PDLIM5: variants seen among roughly 807,000 people sequenced by gnomAD.
PDLIM5 encodes PDZ and LIM domain protein 5.
Under a neutral mutation model 64.2 loss-of-function variants are expected in PDLIM5, and 34 were observed. The observed-to-expected ratio is 0.53, with a 90% CI of 0.40 to 0.71. The LOEUF (loss-of-function observed/expected upper bound fraction) is 0.71. PDLIM5 is among the 30% of genes least tolerant of loss of function. The pLI is 0.00. For missense variants in PDLIM5, 683 were observed against 733.6 expected, an observed-to-expected ratio of 0.93 and a Z score of 0.80; for synonymous variants, 253 against 269.1, an observed-to-expected ratio of 0.94 and a Z score of 0.59.
intron 8 of PDLIM5, among the ~76,000 whole-genome samples, chr4:94,626,477 A>G (rs73834216): frequency 0.013 from 1,953 of 152,284 alleles, 38 homozygotes; most frequent in African/African-American, 0.045. Flanking sequence ...TCCTAAGTCA[A>G]AAGACAGTAT....
chr4:94,550,993 A>G (rs928101600), intron 3 of PDLIM5, among the ~76,000 whole-genome samples: 3 of 152,172 alleles, frequency 2.0e-5, no homozygotes, highest in African/African-American at 7.2e-5. Flanking sequence ...TGAACTTAAC[A>G]TACCAATTTA....
At chr4:94,488,309 G>A (rs1368218693) in intron 2 of PDLIM5, among the ~76,000 whole-genome samples, 2 of 152,084 alleles carry the variant, frequency 1.3e-5, no homozygotes, top group African/African-American at 4.8e-5. Context: ...TCCTTTAATG[G>A]TGCTTATATG....
chr4:94,585,058 G>A (rs1422447928), intron 5 of PDLIM5: 1 of 924,682 alleles, frequency 1.1e-6, no homozygotes, highest in Non-Finnish European at 1.7e-6. Flanking sequence ...AACATTATAA[G>A]TGCAGTTTTT....
chr4:94,592,659 G>A (rs570033423), intron 7 of PDLIM5, among the ~76,000 whole-genome samples: 20 of 152,126 alleles, frequency 1.3e-4, no homozygotes, highest in African/African-American at 4.8e-4. Context: ...ACAGAGTCTC[G>A]CTTTGTCACC....
At chr4:94,562,404 G>T (rs543311490) in intron 3 of PDLIM5, among the ~76,000 whole-genome samples, 1 of 152,306 alleles carries the variant, frequency 6.6e-6, no homozygotes, top group African/African-American at 2.4e-5. Flanking sequence ...GATACAAAAT[G>T]TATTTCTGAT....
intron 3 of PDLIM5, among the ~76,000 whole-genome samples, chr4:94,572,448 TCTC>T (rs2110275410): frequency 6.6e-6 from 1 of 152,262 alleles, no homozygotes; most frequent in Non-Finnish European, 1.5e-5. Context: ...TGAAGTTTCT[TCTC>T]TGAAAAATTA....
At chr4:94,636,626 C>T (rs935357767) in intron 8 of PDLIM5, among the ~76,000 whole-genome samples, 3 of 150,862 alleles carry the variant, frequency 2.0e-5, no homozygotes, top group African/African-American at 7.3e-5. Flanking sequence ...GCAAGCTCCA[C>T]CTCCCGGCTT....
chr4:94,598,268 G>C (rs2110343785), intron 7 of PDLIM5, among the ~76,000 whole-genome samples: 1 of 152,228 alleles, frequency 6.6e-6, no homozygotes, highest in East Asian at 1.9e-4. Context: ...AACCCAGTAA[G>C]AGTTAGTCAT....
Position 94,466,461 on chromosome 4 carries a change from A to G in PDLIM5, c.96+11077A>G, listed in dbSNP as rs147169039. ...TTGAATTTAGGATATTTAGGGATTC[A>G]TTAGATTCCACATTTTTAACATGCT... On this transcript the variant is annotated intron_variant, in intron 2 of 12. Transcript: ENST00000317968. Among the ~76,000 whole-genome samples, 992 of 152,330 alleles carry G rather than the reference A, an allele frequency of 6.5e-3. 10 individuals carry two copies. Among genetic ancestry groups the G allele is most frequent in the Middle Eastern group, 0.037 (11 of 294 alleles).
intron 3 of PDLIM5, among the ~76,000 whole-genome samples, chr4:94,562,996 T>C (rs1234468019): frequency 6.6e-6 from 1 of 152,190 alleles, no homozygotes; most frequent in African/African-American, 2.4e-5. Context: ...TATCAATCAG[T>C]AATATAAACA....
At chr4:94,616,089 A>G (rs892101359) in intron 7 of PDLIM5, among the ~76,000 whole-genome samples, 2 of 152,052 alleles carry the variant, frequency 1.3e-5, no homozygotes, top group Non-Finnish European at 2.9e-5. Flanking sequence ...GGGTTTTGTT[A>G]TTTCCAGACT....
chr4:94,628,192 A>G (rs1437138420), intron 8 of PDLIM5, among the ~76,000 whole-genome samples: 1 of 152,178 alleles, frequency 6.6e-6, no homozygotes, highest in Non-Finnish European at 1.5e-5. Flanking sequence ...CAGAATGATG[A>G]CATTTCTAAC....
Position 94,665,786 on chromosome 4 carries a change from A to G in PDLIM5, c.*1719A>G. On this transcript the variant is annotated 3_prime_UTR_variant, in exon 13 of 13. Transcript: ENST00000317968. ...TTTTCTCTCAATAATAAGTGAACCA[A>G]TTTCAAATGTGATCACAAAGTTTGG... The G allele has an allele frequency of 7.8e-7, 1 of 1,280,564 alleles. No homozygotes were observed. The highest frequency in any genetic ancestry group is 9.8e-7 in the Non-Finnish European group (1 of 1,016,716). 79.3% of individuals were successfully genotyped at this position (1,280,564 alleles called of 1,614,324 possible). A position where few individuals can be genotyped will look rare whatever the true frequency, so the allele number is the denominator to read the frequency against.
intron 2 of PDLIM5, among the ~76,000 whole-genome samples, chr4:94,480,941 G>A (rs1725795646): frequency 2.0e-5 from 3 of 152,146 alleles, no homozygotes; most frequent in African/African-American, 7.2e-5. Context: ...TGTGTAAGAA[G>A]GAAATAATTA....
chr4:94,542,430 T>C (rs563220280), intron 3 of PDLIM5, among the ~76,000 whole-genome samples: 75 of 152,302 alleles, frequency 4.9e-4, no homozygotes, highest in Non-Finnish European at 8.4e-4. Context: ...ATTATGTTTA[T>C]TAAGGGGTAC....
In PDLIM5 at chr4:94,523,845, G is replaced by A. The variant is rs1163596522; in HGVS notation, c.218G>A (p.Cys73Tyr). The change falls in exon 3 of 13, where the codon TGT becomes TAT. Residue 73 changes from cysteine (C) to tyrosine (Y), a missense_variant. By Grantham distance (194) the Cys-to-Tyr change is radical. Coordinates refer to ENST00000317968, the MANE Select transcript of PDLIM5 (RefSeq NM_006457.5). Reference protein sequence around the residue: ...HLEAQNKIKGCTGSLNMTLQR... With the variant: ...HLEAQNKIKGYTGSLNMTLQR... ...GAAGCCCAGAATAAGATTAAGGGTT[G>A]TACAGGCTCTTTGAATATGACTCTG... 1.2e-6 allele frequency: 2 copies of A among 1,613,316 alleles called. No homozygotes were observed. Among genetic ancestry groups the A allele is most frequent in the Non-Finnish European group, 1.7e-6 (2 of 1,179,404 alleles).
chr4:94,665,736 G>A lies in PDLIM5; in HGVS notation c.*1669G>A. On this transcript the variant is annotated 3_prime_UTR_variant, in exon 13 of 13. Transcript: ENST00000317968. Reference sequence around the variant, plus strand: ...AAAATTAAAAGATTGGTTTGAGGATGTGATGAAATTGAGACTTTTTGTGGT... The same window carrying A: ...AAAATTAAAAGATTGGTTTGAGGATATGATGAAATTGAGACTTTTTGTGGT... The A allele has an allele frequency of 8.3e-7, 1 of 1,210,262 alleles. No homozygotes were observed. Among genetic ancestry groups the A allele is most frequent in the South Asian group, 3.4e-5 (1 of 29,030 alleles). 75.0% of individuals were successfully genotyped at this position (1,210,262 alleles called of 1,614,324 possible).
chr4:94,497,345 A>AT (rs1274289128), intron 2 of PDLIM5, among the ~76,000 whole-genome samples: 2 of 152,160 alleles, frequency 1.3e-5, no homozygotes, highest in African/African-American at 2.4e-5. Context: ...TAATTAATTG[A>AT]TTTTTCATCC....
At chr4:94,546,831 G>A (rs1407195209) in intron 3 of PDLIM5, among the ~76,000 whole-genome samples, 3 of 150,852 alleles carry the variant, frequency 2.0e-5, no homozygotes, top group Non-Finnish European at 4.4e-5. Flanking sequence ...CTGACATTAG[G>A]CCCCCCCCAC....
Sources: allele counts gnomAD v4.1 joint callset (sites outside exome capture counted in the v4.1 genomes callset), GRCh38; gene constraint gnomAD v4.1.1; transcripts MANE v1.5; gene names NCBI Gene and HGNC (gene_info 2026-07-23, HGNC 2026-07-21).